Variants in DSEL observed in about 807,000 individuals in gnomAD.
The protein encoded by DSEL is dermatan-sulfate epimerase-like protein.
A neutral mutation model predicts 96.6 loss-of-function variants in DSEL; 61 were observed. The observed-to-expected ratio is 0.63, with a 90% confidence interval of 0.51 to 0.78. The LOEUF is 0.78. Among genes scored for constraint, DSEL ranks in the 30% least tolerant of loss-of-function variants. DSEL has a pLI of 0.00. For synonymous variants in DSEL, 514 were observed against 502.0 expected, an observed-to-expected ratio of 1.02 and a Z score of -0.32; for missense variants, 1,320 against 1,430.8, an observed-to-expected ratio of 0.92 and a Z score of 1.25.
chr18:67,511,214 T>C lies in DSEL; in HGVS notation c.3395A>G (p.His1132Arg). 6.2e-7 allele frequency: 1 copy of C among 1,613,874 alleles called. No homozygotes were observed. Among genetic ancestry groups the C allele is most frequent in the African/African-American group, 1.3e-5 (1 of 75,022 alleles). Reference protein sequence around the residue: ...YQLVKFEDIVHFPQKTTERIF... With the variant: ...YQLVKFEDIVRFPQKTTERIF... ...CCTTTCAGTAGTTTTCTGAGGAAAA[T>C]GCACAATATCTTCAAACTTGACCAG... is the stretch of plus-strand genomic sequence containing the variant. The change falls in exon 2 of 2, where the codon CAT becomes CGT. Residue 1132 changes from histidine (H) to arginine (R), a missense_variant. By Grantham distance (29) the His-to-Arg change is conservative. Transcript: ENST00000310045.
At position 67,510,959 on chromosome 18, in the gene DSEL, A is replaced by G; in HGVS notation, c.*11T>C. The G allele has an allele frequency of 6.5e-7, 1 of 1,548,264 alleles. No individual in the cohort carries two copies. The highest frequency in any genetic ancestry group is 8.7e-7 in the Non-Finnish European group (1 of 1,153,314). On this transcript the variant is annotated 3_prime_UTR_variant, in exon 2 of 2. Transcript: ENST00000310045. The stretch of plus-strand genomic sequence containing the variant: ...GTATTATTAGTGCAAATTTCTGCTG[A>G]CCTGCAGCATTTAGTCCATAAACTT...
rs778782626 is a variant in DSEL at position 67,513,558 on chromosome 18, T to A, written c.1051A>T (p.Ile351Phe). The change falls in exon 2 of 2, where the codon ATC becomes TTC. Residue 351 changes from isoleucine to phenylalanine, a missense_variant. By Grantham distance (21) the Ile-to-Phe change is conservative. Around this residue, in one of 3 missense-constraint regions of DSEL, gnomAD observed 986 missense variants for 1,066.4 expected, o/e 0.92. Coordinates refer to ENST00000310045, the MANE Select transcript of DSEL (RefSeq NM_032160.3). ...CAATTTCCAGCTCCATTCTTTAAGA[T>A]GAACTTATCCAAGAAAACTAGCTGG... Reference protein sequence around the residue: ...ESQLVFLDKFILKNGAGNWLA... With the variant: ...ESQLVFLDKFFLKNGAGNWLA... The A allele has an allele frequency of 3.7e-6, 6 of 1,614,168 alleles. No individual in the cohort carries two copies. Among genetic ancestry groups the A allele is most frequent in the Non-Finnish European group, 5.1e-6 (6 of 1,180,028 alleles).
In DSEL at chr18:67,513,291, G is replaced by A; in HGVS notation, c.1318C>T (p.Leu440=). 1 of 1,614,176 alleles carries A rather than the reference G, an allele frequency of 6.2e-7. No individual in the cohort carries two copies. The highest frequency in any genetic ancestry group is 8.5e-7 in the Non-Finnish European group (1 of 1,180,024). ...ATGTCATACACAGCTCGTCCCCCCAGCTTCCCAGATTTAAAAGACACAAAG... is the reference window on the plus strand; with the variant it reads ...ATGTCATACACAGCTCGTCCCCCCAACTTCCCAGATTTAAAAGACACAAAG... ...NTFVSFKSGK[L]GGRAVYDIVH... is the part of the protein sequence containing the mutation. The change falls in exon 2 of 2, where the codon CTG becomes TTG. Residue 440 remains leucine (L), a synonymous_variant. Transcript: ENST00000310045.
In DSEL at chr18:67,510,370, AC is replaced by A. The variant is rs1344006972; in HGVS notation, c.*599del. 1 of 152,278 alleles carries A rather than the reference AC, an allele frequency of 6.6e-6. No homozygotes were observed. Among genetic ancestry groups the A allele is most frequent in the African/African-American group, 2.4e-5 (1 of 41,468 alleles). 9.4% of individuals were successfully genotyped at this position (152,278 alleles called of 1,614,324 possible). A position where few individuals can be genotyped will look rare whatever the true frequency, so the allele number is the denominator to read the frequency against. On this transcript the variant is annotated 3_prime_UTR_variant, in exon 2 of 2. Transcript: ENST00000310045. ...AAAGTCAGTTTCCGACCTCAAAAAA[AC>A]ATATTCATTCTGTATTTCCATCTGT...
rs1182297287 is a variant in DSEL at position 67,510,308 on chromosome 18, C to T, written c.*662G>A. The T allele has an allele frequency of 6.6e-6, 1 of 152,098 alleles. No individual in the cohort carries two copies. The highest frequency in any genetic ancestry group is 1.5e-5 in the Non-Finnish European group (1 of 68,026). The allele number at this position is 152,098 out of a possible 1,614,324, so 9.4% of individuals were successfully genotyped here. ...ACCCAGATTGTTCAAAGACTTATTC[C>T]TTATATTTCTAAGTAAAAAACTTCA... On this transcript the variant is annotated 3_prime_UTR_variant, in exon 2 of 2. Transcript: ENST00000310045.
chr18:67,511,446 G>T lies in DSEL; in HGVS notation c.3163C>A (p.Pro1055Thr), dbSNP rs75559029. The T allele has an allele frequency of 3.4e-4, 552 of 1,607,080 alleles. No homozygotes were observed. The African/African-American group carries it at 6.8e-3, about 20-fold the overall frequency. Reference sequence around the variant, plus strand: ...TTAAACAATTTTGCTAAATGCTCTGGTACATTCTTCAAAGAATAAAGACTT... The same window carrying T: ...TTAAACAATTTTGCTAAATGCTCTGTTACATTCTTCAAAGAATAAAGACTT... ...KPSLYSLKNV[P>T]EHLAKLFKIE... The change falls in exon 2 of 2, where the codon CCA becomes ACA. Residue 1055 changes from proline to threonine, a missense_variant. Physicochemically the swap from Pro to Thr is conservative, Grantham distance 38. Coordinates refer to ENST00000310045, the MANE Select transcript of DSEL (RefSeq NM_032160.3).
In DSEL at chr18:67,513,247, A is replaced by G; in HGVS notation, c.1362T>C (p.Tyr454=). 3 of 1,614,220 alleles carry G rather than the reference A, an allele frequency of 1.9e-6. No individual in the cohort carries two copies. Among genetic ancestry groups the G allele is most frequent in the East Asian group, 2.2e-5 (1 of 44,876 alleles). Reference sequence around the variant, plus strand: ...AACTTCTCCACCCATCAATCCAGGAATATGGCTGAAAATGAACTATGTCAT... The same window carrying G: ...AACTTCTCCACCCATCAATCCAGGAGTATGGCTGAAAATGAACTATGTCAT... ...AVYDIVHFQP[Y]SWIDGWRSFN... is the part of the protein sequence containing the mutation. Residue 454 remains tyrosine (Y), a synonymous_variant, in exon 2 of 2, where the codon TAT becomes TAC. Transcript: ENST00000310045.
Position 67,508,189 on chromosome 18 carries a change from C to T in DSEL, c.*2781G>A, listed in dbSNP as rs2089420789. Reference sequence around the variant, plus strand: ...GAAGTATCAGATAGTGATAATCCCTCTTTTAATTATTTCAAAGAACAAAAA... The same window carrying T: ...GAAGTATCAGATAGTGATAATCCCTTTTTTAATTATTTCAAAGAACAAAAA... On this transcript the variant is annotated 3_prime_UTR_variant, in exon 2 of 2. Coordinates refer to ENST00000310045, the MANE Select transcript of DSEL (RefSeq NM_032160.3). 6.6e-6 allele frequency: 1 copy of T among 152,124 alleles called. No homozygotes were observed. The highest frequency in any genetic ancestry group is 2.4e-5 in the African/African-American group (1 of 41,408). The allele number at this position is 152,124 out of a possible 1,614,324, so 9.4% of individuals were successfully genotyped here. A position where few individuals can be genotyped will look rare whatever the true frequency, so the allele number is the denominator to read the frequency against.
rs764681477 is a variant in DSEL at position 67,514,670 on chromosome 18, C to T, written c.-62G>A. 15 of 1,570,390 alleles carry T rather than the reference C, an allele frequency of 9.6e-6. No individual in the cohort carries two copies. In the Admixed American group the frequency reaches 2.7e-4, roughly 28 times the overall value. ...CAGATATGATGCTCAATGTGTTTCCCATCTGGTTAGTATAAAACATACAGT... is the reference window on the plus strand; with the variant it reads ...CAGATATGATGCTCAATGTGTTTCCTATCTGGTTAGTATAAAACATACAGT... On this transcript the variant is annotated 5_prime_UTR_variant, in exon 2 of 2. The change abolishes an upstream ATG in the 5' untranslated region. Transcript: ENST00000310045.
rs964564119 is a variant in DSEL at position 67,508,953 on chromosome 18, C to T, written c.*2017G>A. Reference sequence around the variant, plus strand: ...GTTTCACCGTGTTAGCCAGGATGGTCTTGATCTCCTGACCTCGTGATCCAC... The same window carrying T: ...GTTTCACCGTGTTAGCCAGGATGGTTTTGATCTCCTGACCTCGTGATCCAC... On this transcript the variant is annotated 3_prime_UTR_variant, in exon 2 of 2. Transcript: ENST00000310045. 5 of 152,122 alleles carry T rather than the reference C, an allele frequency of 3.3e-5. No homozygotes were observed. Among genetic ancestry groups the T allele is most frequent in the African/African-American group, 1.2e-4 (5 of 41,374 alleles). 9.4% of individuals were successfully genotyped at this position (152,122 alleles called of 1,614,324 possible). A position where few individuals can be genotyped will look rare whatever the true frequency, so the allele number is the denominator to read the frequency against.
rs1186422311 is a variant in DSEL at position 67,511,725 on chromosome 18, T to C, written c.2884A>G (p.Lys962Glu). Residue 962 changes from lysine (K) to glutamate (E), a missense_variant, in exon 2 of 2, where the codon AAA becomes GAA. Around this residue, in one of 3 missense-constraint regions of DSEL, gnomAD observed 986 missense variants for 1,066.4 expected, o/e 0.92. Coordinates refer to ENST00000310045, the MANE Select transcript of DSEL (RefSeq NM_032160.3). Reference protein sequence around the residue: ...AMNKDKKRKFKRRESLPEQRS... With the variant: ...AMNKDKKRKFERRESLPEQRS... ...TGTTCTGGCAAAGACTCTCTCCTTT[T>C]AAATTTTCTTTTTTTGTCCTTATTC... 17 of 1,613,946 alleles carry C rather than the reference T, an allele frequency of 1.1e-5. No individual in the cohort carries two copies. Among genetic ancestry groups the C allele is most frequent in the Non-Finnish European group, 1.4e-5 (16 of 1,180,028 alleles).
Position 67,511,359 on chromosome 18 carries a change from A to G in DSEL, c.3250T>C (p.Leu1084=). 2 of 1,603,962 alleles carry G rather than the reference A, an allele frequency of 1.2e-6. No homozygotes were observed. Among genetic ancestry groups the G allele is most frequent in the African/African-American group, 1.3e-5 (1 of 75,066 alleles). The stretch of plus-strand genomic sequence containing the variant: ...TTGGATTTTGATAATTCTTTCCTCA[A>G]TGGTTCATACTCGAAAGCATAACCC... ...NSGYAFEYEP[L]RKELSKSKSN... is the part of the protein sequence containing the mutation. The change falls in exon 2 of 2, where the codon TTG becomes CTG. Residue 1084 remains leucine, a synonymous_variant. Coordinates refer to ENST00000310045, the MANE Select transcript of DSEL (RefSeq NM_032160.3).
Position 67,509,820 on chromosome 18 carries a change from C to G in DSEL, c.*1150G>C, listed in dbSNP as rs781348655. The G allele has an allele frequency of 2.0e-5, 3 of 152,540 alleles. No individual in the cohort carries two copies. The highest frequency in any genetic ancestry group is 4.4e-5 in the Non-Finnish European group (3 of 68,012). The allele number at this position is 152,540 out of a possible 1,614,324, so 9.4% of individuals were successfully genotyped here. A position where few individuals can be genotyped will look rare whatever the true frequency, so the allele number is the denominator to read the frequency against. Reference sequence around the variant, plus strand: ...CAGAGCCTACCAAAATAAAATAAACCACACTTTATGACGACTACATTTATA... The same window carrying G: ...CAGAGCCTACCAAAATAAAATAAACGACACTTTATGACGACTACATTTATA... On this transcript the variant is annotated 3_prime_UTR_variant, in exon 2 of 2. Coordinates refer to ENST00000310045, the MANE Select transcript of DSEL (RefSeq NM_032160.3).
Position 67,516,004 on chromosome 18 carries a change from C to G in DSEL, c.-885+357G>C, listed in dbSNP as rs564993155. Among the ~76,000 whole-genome samples, 8 of 150,626 alleles carry G rather than the reference C, an allele frequency of 5.3e-5. No homozygotes were observed. The East Asian group carries it at 1.4e-3, about 26-fold the overall frequency. ...TACTCGGACCAGTCACTTTTCTCGGCGGGGTAACCGCGAATCGTGACCAGG... is the reference window on the plus strand; with the variant it reads ...TACTCGGACCAGTCACTTTTCTCGGGGGGGTAACCGCGAATCGTGACCAGG... On this transcript the variant is annotated intron_variant, in intron 1 of 1. Coordinates refer to ENST00000310045, the MANE Select transcript of DSEL (RefSeq NM_032160.3). This position sits in a 1 kb window ranked among gnomAD's most constrained non-coding sequence, Gnocchi z 5.6.
chr18:67,510,503 A>C lies in DSEL; in HGVS notation c.*467T>G, dbSNP rs1472508431. 2 of 155,134 alleles carry C rather than the reference A, an allele frequency of 1.3e-5. No homozygotes were observed. Among genetic ancestry groups the C allele is most frequent in the Non-Finnish European group, 2.9e-5 (2 of 69,922 alleles). The allele number at this position is 155,134 out of a possible 1,614,324, so 9.6% of individuals were successfully genotyped here. A position where few individuals can be genotyped will look rare whatever the true frequency, so the allele number is the denominator to read the frequency against. ...AAGAAATTTTCTTTTTCTTTGTGCA[A>C]GATAAGTGTGTCAGAAGACCTTTTC... On this transcript the variant is annotated 3_prime_UTR_variant, in exon 2 of 2. Transcript: ENST00000310045.
Position 67,510,934 on chromosome 18 carries a change from G to C in DSEL, c.*36C>G, listed in dbSNP as rs757602426. 1 of 1,521,134 alleles carries C rather than the reference G, an allele frequency of 6.6e-7. No individual in the cohort carries two copies. The highest frequency in any genetic ancestry group is 1.3e-5 in the South Asian group (1 of 75,480). 94.2% of individuals were successfully genotyped at this position (1,521,134 alleles called of 1,614,324 possible). A position where few individuals can be genotyped will look rare whatever the true frequency, so the allele number is the denominator to read the frequency against. On this transcript the variant is annotated 3_prime_UTR_variant, in exon 2 of 2. Transcript: ENST00000310045. ...TCATATCCACAAAGTGGGTTGGTAA[G>C]TATTATTAGTGCAAATTTCTGCTGA...
In DSEL at chr18:67,511,543, A is replaced by G; in HGVS notation, c.3066T>C (p.Ala1022=). 1 of 1,613,498 alleles carries G rather than the reference A, an allele frequency of 6.2e-7. No homozygotes were observed. Among genetic ancestry groups the G allele is most frequent in the Non-Finnish European group, 8.5e-7 (1 of 1,179,892 alleles). The change falls in exon 2 of 2, where the codon GCT becomes GCC. Residue 1022 remains alanine (A), a synonymous_variant. Transcript: ENST00000310045. ...KLHFFQEVLG[A]SMRALYIVRD... ...TTACTATGTACAATGCCCTCATCGA[A>G]GCTCCTAAAACTTCCTGAAAAAAAT...
At position 67,510,702 on chromosome 18, in the gene DSEL, T is replaced by C. The variant is rs2089436453; in HGVS notation, c.*268A>G. 2 of 420,538 alleles carry C rather than the reference T, an allele frequency of 4.8e-6. No homozygotes were observed. Among genetic ancestry groups the C allele is most frequent in the Non-Finnish European group, 8.4e-6 (2 of 239,286 alleles). 26.1% of individuals were successfully genotyped at this position (420,538 alleles called of 1,614,324 possible). ...TCCCATCTCCCCTGACCCCATGATA[T>C]AACTTCATCTACCACTCTGTAGCAG... On this transcript the variant is annotated 3_prime_UTR_variant, in exon 2 of 2. Coordinates refer to ENST00000310045, the MANE Select transcript of DSEL (RefSeq NM_032160.3).
chr18:67,513,711 T>C lies in DSEL; in HGVS notation c.898A>G (p.Ile300Val), dbSNP rs2089458272. The change falls in exon 2 of 2, where the codon ATC (isoleucine) becomes GTC (valine). Residue 300 changes from isoleucine to valine, a missense_variant. Ile to Val is a conservative substitution (Grantham distance 29). Transcript: ENST00000310045. ...YVFLAQRHFN[I>V]NNLDNNWLKM... Reference sequence around the variant, plus strand: ...AACCAGTTATTATCCAAGTTGTTGATATTAAAATGGCGCTGGGCCAGAAAA... The same window carrying C: ...AACCAGTTATTATCCAAGTTGTTGACATTAAAATGGCGCTGGGCCAGAAAA... 1 of 1,614,078 alleles carries C rather than the reference T, an allele frequency of 6.2e-7. No homozygotes were observed. The highest frequency in any genetic ancestry group is 1.1e-5 in the South Asian group (1 of 91,094).
Sources: gnomAD v4.1 joint callset for allele counts (sites outside exome capture counted in the v4.1 genomes callset) on GRCh38, gnomAD v4.1.1 for gene constraint, gnomAD v4.1.1 regional missense constraint, Gnocchi (gnomAD v3.1) non-coding constraint, MANE v1.5 for transcripts, NCBI Gene and HGNC (gene_info 2026-07-23, HGNC 2026-07-21) for gene names.